IL22RA2: variants seen among roughly 807,000 people sequenced by gnomAD.
IL22RA2 encodes the protein interleukin-22 receptor subunit alpha-2.
Under a neutral mutation model 30.7 loss-of-function variants are expected in IL22RA2, and 39 were observed. That is an observed-to-expected ratio of 1.27 (90% CI 0.98 to 1.66). The LOEUF is 1.66. Ranked by LOEUF, IL22RA2 falls within the 40% of genes most tolerant of loss-of-function variation. The probability of loss-of-function intolerance (pLI) is 0.00; values close to 1 mark genes in which losing one functional copy is unlikely to be tolerated. For synonymous variants in IL22RA2, 103 were observed against 105.0 expected, an observed-to-expected ratio of 0.98 and a Z score of 0.11; for missense variants, 315 against 312.7, an observed-to-expected ratio of 1.01 and a Z score of -0.05.
Position 137,158,500 on chromosome 6 carries a change from G to A in IL22RA2, c.62-18C>T, listed in dbSNP as rs556514846. On this transcript the variant is annotated intron_variant, in intron 2 of 6. Transcript: ENST00000296980. ...CTGAGTTCCTAAGATAATAAGAGAA[G>A]GAAGAACATTGAACGTTGCTTGGAG... The A allele has an allele frequency of 3.7e-6, 6 of 1,613,402 alleles. No homozygotes were observed. In the South Asian group the frequency reaches 6.6e-5, roughly 18 times the overall value.
At chr6:137,162,118 T>C (rs906224812) in intron 1 of IL22RA2, among the ~76,000 whole-genome samples, 1 of 152,106 alleles carries the variant, frequency 6.6e-6, no homozygotes, top group African/African-American at 2.4e-5. Context: ...ATGAAACAAC[T>C]AGTGGGGCCT....
intron 1 of IL22RA2, among the ~76,000 whole-genome samples, chr6:137,162,936 A>G (rs1490482603): frequency 6.6e-6 from 1 of 152,210 alleles, no homozygotes; most frequent in Non-Finnish European, 1.5e-5. Context: ...AGTAATAGAA[A>G]TTTTAAAATC....
At chr6:137,169,446 A>G (rs1778690683) in intron 1 of IL22RA2, among the ~76,000 whole-genome samples, 1 of 152,218 alleles carries the variant, frequency 6.6e-6, no homozygotes, top group Admixed American at 6.5e-5. Context: ...TAGGAACAAT[A>G]AGGCCATTCT....
chr6:137,170,205 T>C (rs1006667070), intron 1 of IL22RA2, among the ~76,000 whole-genome samples: 3 of 152,210 alleles, frequency 2.0e-5, no homozygotes, highest in East Asian at 1.9e-4. Context: ...TAGCTAACTG[T>C]GGTGCTCTTT....
intron 1 of IL22RA2, among the ~76,000 whole-genome samples, chr6:137,166,082 A>G (rs1238821021): frequency 6.6e-6 from 1 of 152,226 alleles, no homozygotes; most frequent in Admixed American, 6.5e-5. Flanking sequence ...CTCAAGCTGA[A>G]AAGACTTAAA....
At position 137,155,049 on chromosome 6, in the gene IL22RA2, T is replaced by A. The variant is rs781143199; in HGVS notation, c.364A>T (p.Ser122Cys). Reference protein sequence around the residue: ...GTQELSCDLTSETSDIQEPYY... With the variant: ...GTQELSCDLTCETSDIQEPYY... ...GGTTCCTGTATGTCTGAGGTTTCAC[T>A]GGTAAGGTCACAAGAGAGTTCTTGA... is the stretch of plus-strand genomic sequence containing the variant. Residue 122 changes from serine (S) to cysteine (C), a missense_variant, in exon 5 of 7, where the codon AGT (serine) becomes TGT (cysteine). Transcript: ENST00000296980. 1.2e-5 allele frequency: 19 copies of A among 1,613,918 alleles called. No individual in the cohort carries two copies. The African/African-American group carries it at 2.0e-4, about 17-fold the overall frequency.
chr6:137,159,572 C>T (rs1453749179), intron 2 of IL22RA2, among the ~76,000 whole-genome samples: 1 of 152,166 alleles, frequency 6.6e-6, no homozygotes, highest in East Asian at 1.9e-4. Flanking sequence ...ATCCGCCCAC[C>T]TCGGCCTCCC....
At chr6:137,159,107 C>T (rs1012636748) in intron 2 of IL22RA2, among the ~76,000 whole-genome samples, 1 of 152,146 alleles carries the variant, frequency 6.6e-6, no homozygotes, top group East Asian at 1.9e-4. Context: ...CAAGACCCTG[C>T]TGGGGGGTAG....
At position 137,148,220 on chromosome 6, in the gene IL22RA2, CTTTTG is replaced by C. The variant is rs28362170; in HGVS notation, c.473-334_473-330del. Among the ~76,000 whole-genome samples the C allele has an allele frequency of 8.3e-3, 1,267 of 152,150 alleles. 31 individuals are homozygous for C. The highest frequency in any genetic ancestry group is 0.029 in the African/African-American group (1,199 of 41,504). On this transcript the variant is annotated intron_variant, in intron 5 of 6. Transcript: ENST00000296980. ...ATTGGAAGGGCTTTTCTTAATCTGA[CTTTTG>C]TTTGTTTGTTTGGTTGGTTGGTTTT...
intron 6 of IL22RA2, 25 bp from the exon 7 acceptor site, chr6:137,145,798 A>G: frequency 6.2e-7 from 1 of 1,613,346 alleles, no homozygotes; most frequent in Non-Finnish European, 8.5e-7. Context: ...GAAAATAATC[A>G]GTTGGTAAAT....
chr6:137,156,878 C>A, intron 3 of IL22RA2, 24 bp from the exon 4 acceptor site: 1 of 1,599,016 alleles, frequency 6.3e-7, no homozygotes, highest in South Asian at 1.1e-5. Flanking sequence ...ATGGGGAAAA[C>A]AGATCGTGTG....
chr6:137,146,362 G>C (rs1778178669), intron 6 of IL22RA2, among the ~76,000 whole-genome samples: 1 of 152,104 alleles, frequency 6.6e-6, no homozygotes, highest in Admixed American at 6.5e-5. Context: ...TGTGCAGTGA[G>C]AATGATGTGC....
chr6:137,156,325 G>A (rs957407929), intron 4 of IL22RA2, among the ~76,000 whole-genome samples: 1 of 152,184 alleles, frequency 6.6e-6, no homozygotes, highest in African/African-American at 2.4e-5. Context: ...TTGAAATCTA[G>A]CTTTCTAGAC....
chr6:137,156,818 C>T lies in IL22RA2; in HGVS notation c.234G>A (p.Lys78=), dbSNP rs756083201. The change falls in exon 4 of 7, where the codon AAG becomes AAA. Residue 78 remains lysine, a synonymous_variant. Coordinates refer to ENST00000296980, the MANE Select transcript of IL22RA2 (RefSeq NM_052962.3). ...AAATGTGCTGCCAGCATCCACTTGG[C>T]TTCTGGTGAGAGCTTTTCATGCTGC... ...FSCSMKSSHQ[K]PSGCWQHISC... 1.1e-5 allele frequency: 17 copies of T among 1,613,818 alleles called. No individual in the cohort carries two copies. Among genetic ancestry groups the T allele is most frequent in the Non-Finnish European group, 1.0e-5 (12 of 1,179,726 alleles).
intron 1 of IL22RA2, among the ~76,000 whole-genome samples, chr6:137,171,029 G>A (rs1778723791): frequency 6.6e-6 from 1 of 152,168 alleles, no homozygotes; most frequent in South Asian, 2.1e-4. Context: ...AAGGGGAAAT[G>A]TATACTGGTT....
chr6:137,152,318 C>T (rs202571), intron 5 of IL22RA2, among the ~76,000 whole-genome samples: 61,136 of 151,968 alleles, frequency 0.4, 13,609 homozygotes, highest in African/African-American at 0.6. Flanking sequence ...TGGAAACTAC[C>T]CAAATGTCTA....
In IL22RA2 at chr6:137,143,849, T is replaced by C. The variant is rs968613241; in HGVS notation, c.*1775A>G. 6.6e-6 allele frequency: 1 copy of C among 152,240 alleles called. No homozygotes were observed. Among genetic ancestry groups the C allele is most frequent in the African/African-American group, 2.4e-5 (1 of 41,466 alleles). 9.4% of individuals were successfully genotyped at this position (152,240 alleles called of 1,614,324 possible). On this transcript the variant is annotated 3_prime_UTR_variant, in exon 7 of 7. Transcript: ENST00000296980. ...GCAAAAAAAGGATTTATTGAAATCATGTGACAATATATCCCTAACACCATG... is the reference window on the plus strand; with the variant it reads ...GCAAAAAAAGGATTTATTGAAATCACGTGACAATATATCCCTAACACCATG...
intron 6 of IL22RA2, among the ~76,000 whole-genome samples, chr6:137,147,091 T>G (rs1778194244): frequency 6.7e-6 from 1 of 148,688 alleles, no homozygotes; most frequent in South Asian, 2.1e-4. Context: ...GGCTTATGCC[T>G]GCAATCCCAG....
At chr6:137,172,395 T>A (rs796403890) in intron 1 of IL22RA2, among the ~76,000 whole-genome samples, 12 of 152,360 alleles carry the variant, frequency 7.9e-5, no homozygotes, top group African/African-American at 2.9e-4. Context: ...GTTCTGTCAC[T>A]GTTCAATTAG....
Sources: gnomAD v4.1 joint callset for allele counts (sites outside exome capture counted in the v4.1 genomes callset) on GRCh38, gnomAD v4.1.1 for gene constraint, MANE v1.5 for transcripts, NCBI Gene and HGNC (gene_info 2026-07-23, HGNC 2026-07-21) for gene names.